LHX9: variants seen among roughly 807,000 people sequenced by gnomAD.
The protein encoded by LHX9 is LIM/homeobox protein Lhx9.
Under a neutral mutation model 36.5 loss-of-function variants are expected in LHX9, and 9 were observed. That is an observed-to-expected ratio of 0.25 (90% CI 0.15 to 0.43). LHX9 has a LOEUF of 0.43. Ranked by LOEUF, LHX9 falls within the 20% of genes least tolerant of loss-of-function variation. The pLI is 1.00. For missense variants in LHX9, 464 were observed against 526.4 expected, an observed-to-expected ratio of 0.88 and a Z score of 1.16; for synonymous variants, 211 against 212.1, an observed-to-expected ratio of 0.99 and a Z score of 0.04.
In LHX9 at chr1:197,929,294, C is replaced by T. The variant is rs373458786; in HGVS notation, c.*35C>T. 4.6e-6 allele frequency: 6 copies of T among 1,292,960 alleles called. No homozygotes were observed. The South Asian group carries it at 1.4e-4, about 31-fold the overall frequency. The allele number at this position is 1,292,960 out of a possible 1,614,324, so 80.1% of individuals were successfully genotyped here. On this transcript the variant is annotated 3_prime_UTR_variant, in exon 5 of 5. Coordinates refer to ENST00000367387, the MANE Select transcript of LHX9 (RefSeq NM_020204.3). ...TTTTTTTTTAGTTTTTAAATTCTTC[C>T]TCTTCTTTTTATTATTATTCTAATT...
rs1660312920 is a variant in LHX9, at chr1:197,930,965, C to G, written c.*1706C>G. Reference sequence around the variant, plus strand: ...TGGTAAGGCTGAGATCTTATTAATACACTTTTACAGGTAAAATATTGACAC... The same window carrying G: ...TGGTAAGGCTGAGATCTTATTAATAGACTTTTACAGGTAAAATATTGACAC... On this transcript the variant is annotated 3_prime_UTR_variant, in exon 5 of 5. Coordinates refer to ENST00000367387, the MANE Select transcript of LHX9 (RefSeq NM_020204.3). The G allele has an allele frequency of 6.6e-6, 1 of 151,946 alleles. No homozygotes were observed. The highest frequency in any genetic ancestry group is 2.4e-5 in the African/African-American group (1 of 41,416). The allele number at this position is 151,946 out of a possible 1,614,324, so 9.4% of individuals were successfully genotyped here.
chr1:197,923,399 C>T (rs1404940738), intron 3 of LHX9, among the ~76,000 whole-genome samples: 2 of 152,000 alleles, frequency 1.3e-5, no homozygotes, highest in African/African-American at 2.4e-5. Context: ...TTCTTTGATG[C>T]GTGGTCCCCG....
rs1660352566 is a variant in LHX9, at chr1:197,932,437, G to A, written c.*3178G>A. 1 of 152,786 alleles carries A rather than the reference G, an allele frequency of 6.5e-6. No homozygotes were observed. Among genetic ancestry groups the A allele is most frequent in the East Asian group, 1.9e-4 (1 of 5,222 alleles). The allele number at this position is 152,786 out of a possible 1,614,324, so 9.5% of individuals were successfully genotyped here. A position where few individuals can be genotyped will look rare whatever the true frequency, so the allele number is the denominator to read the frequency against. ...TAGGGATCAAACCCCAGTAATTTTA[G>A]CATTATTGTTTATCACTTCCTTTTT... On this transcript the variant is annotated 3_prime_UTR_variant, in exon 5 of 5. Transcript: ENST00000367387.
In LHX9 at chr1:197,921,733, CAA is replaced by C; in HGVS notation, c.733+76_733+77del. On this transcript the variant is annotated intron_variant, in intron 3 of 4. Coordinates refer to ENST00000367387, the MANE Select transcript of LHX9 (RefSeq NM_020204.3). This position sits in a 1 kb window ranked among gnomAD's most constrained non-coding sequence, Gnocchi z 4.6. ...AAATTCGTAGAGCTCCTTCCCCGTC[CAA>C]AGTCTTGCTGCAAGAGTGTGTTTTG... 1 of 1,240,720 alleles carries C rather than the reference CAA, an allele frequency of 8.1e-7. No homozygotes were observed. Among genetic ancestry groups the C allele is most frequent in the Non-Finnish European group, 1.1e-6 (1 of 910,262 alleles). The allele number at this position is 1,240,720 out of a possible 1,614,324, so 76.9% of individuals were successfully genotyped here. A position where few individuals can be genotyped will look rare whatever the true frequency, so the allele number is the denominator to read the frequency against.
rs189412169 is a variant in LHX9 at position 197,934,248 on chromosome 1, G to A, written c.*4989G>A. ...CTTTTATAATAACCCTTTTTTGGGA[G>A]TCAAAGTATTGTTTTTTTATTAGCC... On this transcript the variant is annotated 3_prime_UTR_variant, in exon 5 of 5. Coordinates refer to ENST00000367387, the MANE Select transcript of LHX9 (RefSeq NM_020204.3). 2.8e-4 allele frequency: 38 copies of A among 134,616 alleles called. No homozygotes were observed. The highest frequency in any genetic ancestry group is 1.3e-4 in the Non-Finnish European group (7 of 55,808). 8.3% of individuals were successfully genotyped at this position (134,616 alleles called of 1,614,324 possible). A position where few individuals can be genotyped will look rare whatever the true frequency, so the allele number is the denominator to read the frequency against.
At chr1:197,916,706 C>T, upstream of LHX9, 1 of 702,962 alleles carries the variant, frequency 1.4e-6, no homozygotes, top group Non-Finnish European at 2.6e-6. Context: ...GCCCTCTCCA[C>T]TTCGGATGAA....
At chr1:197,914,190 A>G (rs576800765), upstream of LHX9, among the ~76,000 whole-genome samples, 1 of 152,336 alleles carries the variant, frequency 6.6e-6, no homozygotes, top group South Asian at 2.1e-4. Context: ...CGTGTGCTCA[A>G]TTGTGAGGGA....
Position 197,930,172 on chromosome 1 carries a change from G to T in LHX9, c.*913G>T, listed in dbSNP as rs190804738. 1.8e-6 allele frequency: 1 copy of T among 559,200 alleles called. No individual in the cohort carries two copies. Among genetic ancestry groups the T allele is most frequent in the African/African-American group, 2.0e-5 (1 of 49,040 alleles). 34.6% of individuals were successfully genotyped at this position (559,200 alleles called of 1,614,324 possible). A position where few individuals can be genotyped will look rare whatever the true frequency, so the allele number is the denominator to read the frequency against. ...TTAATAGCTCTATTAATTGGCTTCA[G>T]CTGTACCATGATATTGTATCTGGCA... is the stretch of plus-strand genomic sequence containing the variant. On this transcript the variant is annotated 3_prime_UTR_variant, in exon 5 of 5. Coordinates refer to ENST00000367387, the MANE Select transcript of LHX9 (RefSeq NM_020204.3).
intron 3 of LHX9, among the ~76,000 whole-genome samples, chr1:197,924,130 C>A (rs1660079039): frequency 6.6e-6 from 1 of 152,152 alleles, no homozygotes; most frequent in Non-Finnish European, 1.5e-5. Flanking sequence ...TGTTCCAAAA[C>A]TAGGGAAAGA....
In LHX9 at chr1:197,918,008, G is replaced by T; in HGVS notation, c.174+11G>T. ...AACGGCCGCGACGCGGTAAGGAAGG[G>T]CTCCGCCGCGGCGGTAGCCGGGCAC... On this transcript the variant is annotated intron_variant, in intron 1 of 4. Transcript: ENST00000367387. The T allele has an allele frequency of 6.2e-7, 1 of 1,605,614 alleles. No homozygotes were observed.
Position 197,920,095 on chromosome 1 carries a change from G to A in LHX9, c.298G>A (p.Glu100Lys). Reference sequence around the variant, plus strand: ...GCATCTGAGATGCCTGAAGTGCTGTGAATGTAAGCTGGCCCTCGAGTCCGA... The same window carrying A: ...GCATCTGAGATGCCTGAAGTGCTGTAAATGTAAGCTGGCCCTCGAGTCCGA... ...QWHLRCLKCC[E>K]CKLALESELT... The change falls in exon 2 of 5, where the codon GAA becomes AAA. Residue 100 changes from glutamate to lysine, a missense_variant. By Grantham distance (56) the Glu-to-Lys change is moderately conservative (BLOSUM62 1). Coordinates refer to ENST00000367387, the MANE Select transcript of LHX9 (RefSeq NM_020204.3). The A allele has an allele frequency of 3.1e-6, 5 of 1,614,258 alleles. No homozygotes were observed. Among genetic ancestry groups the A allele is most frequent in the Non-Finnish European group, 3.4e-6 (4 of 1,180,050 alleles).
chr1:197,930,045 A>G lies in LHX9; in HGVS notation c.*786A>G. The G allele has an allele frequency of 1.0e-6, 1 of 980,088 alleles. No individual in the cohort carries two copies. Among genetic ancestry groups the G allele is most frequent in the Non-Finnish European group, 1.2e-6 (1 of 824,918 alleles). 60.7% of individuals were successfully genotyped at this position (980,088 alleles called of 1,614,324 possible). A position where few individuals can be genotyped will look rare whatever the true frequency, so the allele number is the denominator to read the frequency against. ...CTTTTAACCTCCTAAAGCTAAAAAC[A>G]ATAGCTCGGAAACCATTCTTTCTAG... On this transcript the variant is annotated 3_prime_UTR_variant, in exon 5 of 5. Transcript: ENST00000367387.
upstream of LHX9, among the ~76,000 whole-genome samples, chr1:197,915,574 T>C (rs1292812182): frequency 6.6e-6 from 1 of 152,246 alleles, no homozygotes; most frequent in African/African-American, 2.4e-5. Flanking sequence ...CTTAGTTCAC[T>C]TGATTGGCTT....
Position 197,921,274 on chromosome 1 carries a change from T to G in LHX9, c.378-30T>G. On this transcript the variant is annotated intron_variant, in intron 2 of 4. Coordinates refer to ENST00000367387, the MANE Select transcript of LHX9 (RefSeq NM_020204.3). This position sits in a 1 kb window ranked among gnomAD's most constrained non-coding sequence, Gnocchi z 4.6. ...GGATATGGCTCTGCCTTGCTTCAAC[T>G]AGCGCCCTGACTCAACTCTTTCCTT... 6.3e-7 allele frequency: 1 copy of G among 1,581,804 alleles called. No homozygotes were observed. Among genetic ancestry groups the G allele is most frequent in the Non-Finnish European group, 8.6e-7 (1 of 1,161,192 alleles).
Position 197,931,994 on chromosome 1 carries a change from A to G in LHX9, c.*2735A>G. ...TCCCTAAAGTATTAAAAGAAGGGGA[A>G]AAGTTTGATCGGAAATCCACTGCAG... is the stretch of plus-strand genomic sequence containing the variant. On this transcript the variant is annotated 3_prime_UTR_variant, in exon 5 of 5. Coordinates refer to ENST00000367387, the MANE Select transcript of LHX9 (RefSeq NM_020204.3). 6.5e-7 allele frequency: 1 copy of G among 1,534,462 alleles called. No individual in the cohort carries two copies. The highest frequency in any genetic ancestry group is 8.8e-7 in the Non-Finnish European group (1 of 1,133,364).
At chr1:197,928,813 CTGTT>C (rs1660225378) in intron 4 of LHX9, among the ~76,000 whole-genome samples, 185 bp from the exon 5 acceptor site, 1 of 148,956 alleles carries the variant, frequency 6.7e-6, no homozygotes, top group African/African-American at 2.5e-5. Flanking sequence ...TTGAATAACT[CTGTT>C]TTAAAAGAAA....
At chr1:197,912,748 G>T, upstream of LHX9, 2 of 682,686 alleles carry the variant, frequency 2.9e-6, no homozygotes, top group East Asian at 2.5e-5. Flanking sequence ...CTCCTGATAG[G>T]ACTCCTGAAA....
intron 3 of LHX9, 87 bp from the exon 4 acceptor site, chr1:197,927,504 C>G: frequency 9.2e-7 from 1 of 1,087,950 alleles, no homozygotes; most frequent in Non-Finnish European, 1.4e-6. Flanking sequence ...TGCTTTATTA[C>G]CATAGCAGTG....
Position 197,930,179 on chromosome 1 carries a change from C to G in LHX9, c.*920C>G, listed in dbSNP as rs1303140110. ...CTCTATTAATTGGCTTCAGCTGTAC[C>G]ATGATATTGTATCTGGCATTCTATA... On this transcript the variant is annotated 3_prime_UTR_variant, in exon 5 of 5. Coordinates refer to ENST00000367387, the MANE Select transcript of LHX9 (RefSeq NM_020204.3). 2 of 495,920 alleles carry G rather than the reference C, an allele frequency of 4.0e-6. No homozygotes were observed. Among genetic ancestry groups the G allele is most frequent in the African/African-American group, 4.2e-5 (2 of 47,700 alleles). The allele number at this position is 495,920 out of a possible 1,614,324, so 30.7% of individuals were successfully genotyped here.
Sources: allele counts gnomAD v4.1 joint callset (sites outside exome capture counted in the v4.1 genomes callset), GRCh38; gene constraint gnomAD v4.1.1; non-coding constraint Gnocchi (gnomAD v3.1); transcripts MANE v1.5; gene names NCBI Gene and HGNC (gene_info 2026-07-23, HGNC 2026-07-21).